The following SLC35F3 variants were observed in gnomAD, a reference collection of about 807,000 sequenced individuals.
The protein encoded by SLC35F3 is putative thiamine transporter SLC35F3.
Under a neutral mutation model 49.9 loss-of-function variants are expected in SLC35F3, and 25 were observed. That is an observed-to-expected ratio of 0.50 (90% CI 0.37 to 0.70). The LOEUF is 0.70. SLC35F3 is among the 30% of genes least tolerant of loss of function. The pLI is 0.00. For synonymous variants in SLC35F3, 275 were observed against 265.4 expected (o/e 1.04, Z -0.35); for missense variants, 525 against 639.8 (o/e 0.82, Z 1.94).
At chr1:234,165,271 A>G (rs1279227603) in intron 2 of SLC35F3, among the ~76,000 whole-genome samples, 1 of 152,148 alleles carries the variant, frequency 6.6e-6, no homozygotes. Flanking sequence ...ATGTCAGCAA[A>G]GGAGTTTATT....
At chr1:234,033,900 T>C (rs1296130555) in intron 2 of SLC35F3, among the ~76,000 whole-genome samples, 1 of 152,186 alleles carries the variant, frequency 6.6e-6, no homozygotes, top group Non-Finnish European at 1.5e-5. Flanking sequence ...AGAATGACAA[T>C]GGTGTTTTGA....
intron 2 of SLC35F3, among the ~76,000 whole-genome samples, chr1:234,024,340 A>G (rs1218343235): frequency 1.3e-5 from 2 of 152,214 alleles, no homozygotes; most frequent in Admixed American, 6.5e-5. Context: ...ACCAGGCCAG[A>G]CAGCCTTTGT....
chr1:233,963,632 C>G (rs11590768), intron 2 of SLC35F3, among the ~76,000 whole-genome samples: 125,397 of 152,192 alleles, frequency 0.82, 51,756 homozygotes, highest in South Asian at 0.88. Context: ...TAGTGTTTGG[C>G]GCAGGTCAGT....
intron 3 of SLC35F3, among the ~76,000 whole-genome samples, chr1:234,242,234 G>C (rs979048038): frequency 1.3e-5 from 2 of 152,242 alleles, no homozygotes; most frequent in African/African-American, 4.8e-5. Flanking sequence ...CTTCAAGCAT[G>C]AACCAGAACA....
At chr1:234,182,848 G>A (rs1666583857) in intron 2 of SLC35F3, among the ~76,000 whole-genome samples, 1 of 152,008 alleles carries the variant, frequency 6.6e-6, no homozygotes. Context: ...AGTGCTATTT[G>A]CATTTCTCTT....
chr1:233,984,053 G>A (rs1572008553), intron 2 of SLC35F3, among the ~76,000 whole-genome samples: 1 of 152,174 alleles, frequency 6.6e-6, no homozygotes, highest in African/African-American at 2.4e-5. Flanking sequence ...GCCTTGTTCA[G>A]GATATGTTTC....
chr1:234,003,990 A>G (rs755464838), intron 2 of SLC35F3, among the ~76,000 whole-genome samples: 4 of 152,186 alleles, frequency 2.6e-5, no homozygotes, highest in Non-Finnish European at 5.9e-5. Context: ...ATACTTATAT[A>G]TGACTGATGG....
At chr1:234,247,763 GTTGGTTGGCTGGT>G (rs1667660051) in intron 3 of SLC35F3, among the ~76,000 whole-genome samples, 4 of 151,168 alleles carry the variant, frequency 2.6e-5, no homozygotes, top group Non-Finnish European at 3.0e-5. Context: ...TGTTTGGTGG[GTTGGTTGGCTGGT>G]TCATTGTTCA....
At chr1:233,989,936 G>A (rs1277825716) in intron 2 of SLC35F3, among the ~76,000 whole-genome samples, 1 of 152,236 alleles carries the variant, frequency 6.6e-6, no homozygotes, top group East Asian at 1.9e-4. Flanking sequence ...TATACATATT[G>A]CATTTTGATC....
chr1:234,046,423 G>A lies in SLC35F3; in HGVS notation c.283+140665G>A, dbSNP rs1272078187. Among the ~76,000 whole-genome samples the A allele has an allele frequency of 1.3e-5, 2 of 152,116 alleles. No homozygotes were observed. Among genetic ancestry groups the A allele is most frequent in the Non-Finnish European group, 2.9e-5 (2 of 68,000 alleles). On this transcript the variant is annotated intron_variant, in intron 2 of 7. Coordinates refer to ENST00000366618, the MANE Select transcript of SLC35F3 (RefSeq NM_173508.4). This position sits in a 1 kb window ranked among gnomAD's most constrained non-coding sequence, Gnocchi z 4.4. ...ATTCAAGTGTCCTCTTCACTAAATTGCTGCTCATTGTGTTCACTAACTTTT... is the reference window on the plus strand; with the variant it reads ...ATTCAAGTGTCCTCTTCACTAAATTACTGCTCATTGTGTTCACTAACTTTT...
chr1:234,264,635 C>G (rs975482203), intron 3 of SLC35F3, among the ~76,000 whole-genome samples: 8 of 152,196 alleles, frequency 5.3e-5, no homozygotes, highest in Admixed American at 5.2e-4. Flanking sequence ...ATTACTACAG[C>G]CTCAAACTCT....
intron 2 of SLC35F3, among the ~76,000 whole-genome samples, chr1:233,933,673 A>G (rs1662281083): frequency 1.3e-5 from 2 of 152,306 alleles, no homozygotes; most frequent in Admixed American, 1.3e-4. Context: ...CAACATGGCA[A>G]AAACCTGTTT....
chr1:233,953,110 GA>G (rs1662633548), intron 2 of SLC35F3, among the ~76,000 whole-genome samples: 1 of 152,096 alleles, frequency 6.6e-6, no homozygotes. Flanking sequence ...CTCGAAATAG[GA>G]AAAGACTAGA....
intron 3 of SLC35F3, among the ~76,000 whole-genome samples, chr1:234,238,638 TCA>T (rs1184494985): frequency 6.6e-6 from 1 of 151,888 alleles, no homozygotes; most frequent in Non-Finnish European, 1.5e-5. Context: ...CCACCACATC[TCA>T]GTTAACATAT....
intron 2 of SLC35F3, among the ~76,000 whole-genome samples, chr1:234,008,366 C>T (rs1329390763): frequency 6.6e-6 from 1 of 152,188 alleles, no homozygotes; most frequent in Non-Finnish European, 1.5e-5. Flanking sequence ...TTATTTGCCT[C>T]TGTGTTAGGA....
At chr1:233,905,428 G>T in intron 1 of SLC35F3, 101 bp from the exon 2 acceptor site, 1 of 927,454 alleles carries the variant, frequency 1.1e-6, no homozygotes, top group Non-Finnish European at 1.6e-6. Context: ...GGCCCCGGCC[G>T]CGCTCTTGCT....
At position 234,214,681 on chromosome 1, in the gene SLC35F3, C is replaced by A; in HGVS notation, c.284-16736C>A. ...CGGGGCGCCGGGGCTGGGGGTACTG[C>A]TCCCCCAGGACGCGGCTCCGCAGTG... On this transcript the variant is annotated intron_variant, in intron 2 of 7. Coordinates refer to ENST00000366618, the MANE Select transcript of SLC35F3 (RefSeq NM_173508.4). The surrounding 1 kb of genome is among the most constrained non-coding windows in gnomAD (Gnocchi z 8.0). 1 of 1,369,764 alleles carries A rather than the reference C, an allele frequency of 7.3e-7. No individual in the cohort carries two copies. Among genetic ancestry groups the A allele is most frequent in the Non-Finnish European group, 9.6e-7 (1 of 1,041,512 alleles). 84.9% of individuals were successfully genotyped at this position (1,369,764 alleles called of 1,614,324 possible).
chr1:234,322,422 A>C (rs960589578), intron 7 of SLC35F3, among the ~76,000 whole-genome samples: 1 of 152,206 alleles, frequency 6.6e-6, no homozygotes, highest in African/African-American at 2.4e-5. Context: ...AGAAAAGAAA[A>C]TGTTATTAAG....
chr1:234,094,433 C>A (rs1435524863), intron 2 of SLC35F3, among the ~76,000 whole-genome samples: 1 of 152,236 alleles, frequency 6.6e-6, no homozygotes, highest in African/African-American at 2.4e-5. Flanking sequence ...TTTCCCCAGC[C>A]AGGGTCTGCT....
Sources: allele counts gnomAD v4.1 joint callset (sites outside exome capture counted in the v4.1 genomes callset), GRCh38; gene constraint gnomAD v4.1.1; non-coding constraint Gnocchi (gnomAD v3.1); transcripts MANE v1.5; gene names NCBI Gene and HGNC (gene_info 2026-07-23, HGNC 2026-07-21).